The following MTMR9 variants were observed in gnomAD, a reference collection of about 807,000 sequenced individuals.
MTMR9 encodes myotubularin related protein 9.
A neutral mutation model predicts 69.5 loss-of-function variants in MTMR9; 39 were observed. The ratio of observed to expected loss-of-function variants is 0.56; its 90% CI spans 0.43 to 0.73. The LOEUF (loss-of-function observed/expected upper bound fraction) is 0.73, where lower values mean the gene tolerates loss of function less well. MTMR9 is among the 30% of genes least tolerant of loss of function. The pLI, the probability that MTMR9 is intolerant of heterozygous loss-of-function variation, is 0.00. For synonymous variants in MTMR9, 354 were observed against 240.8 expected, an observed-to-expected ratio of 1.47 and a Z score of -4.35; for missense variants, 900 against 671.2, an observed-to-expected ratio of 1.34 and a Z score of -3.77.
chr8:11,305,846 G>T (rs1195716570), intron 4 of MTMR9, among the ~76,000 whole-genome samples: 6 of 152,144 alleles, frequency 3.9e-5, no homozygotes, highest in African/African-American at 1.2e-4. Flanking sequence ...TGAAGTCAAG[G>T]TTTACTGGCT....
At chr8:11,295,991 T>G (rs1010878371) in intron 2 of MTMR9, among the ~76,000 whole-genome samples, 2 of 152,152 alleles carry the variant, frequency 1.3e-5, no homozygotes, top group East Asian at 3.9e-4. Flanking sequence ...CAGCTAGAAG[T>G]GGAATTGTTT....
intron 6 of MTMR9, among the ~76,000 whole-genome samples, chr8:11,310,874 A>G (rs1384356554): frequency 6.6e-6 from 1 of 152,172 alleles, no homozygotes; most frequent in Non-Finnish European, 1.5e-5. Context: ...TCAGTGCAGA[A>G]TGCAGAACAG....
intron 2 of MTMR9, among the ~76,000 whole-genome samples, chr8:11,298,179 A>G (rs1041727264): frequency 1.3e-5 from 2 of 152,282 alleles, no homozygotes; most frequent in African/African-American, 2.4e-5. Flanking sequence ...TAATGTGTTT[A>G]AAGGAAAAGA....
At chr8:11,316,963 C>G in intron 8 of MTMR9, 70 bp downstream of exon 8, 1 of 997,478 alleles carries the variant, frequency 1.0e-6, no homozygotes, top group South Asian at 1.8e-5. Context: ...TAGCCAGAAT[C>G]TCCTAGGAGA....
At chr8:11,298,413 G>C (rs1475476001) in intron 2 of MTMR9, among the ~76,000 whole-genome samples, 1 of 151,988 alleles carries the variant, frequency 6.6e-6, no homozygotes, top group Non-Finnish European at 1.5e-5. Flanking sequence ...ATGGATAATG[G>C]ATTATACAGC....
At chr8:11,302,824 G>A (rs1036119002) in intron 3 of MTMR9, among the ~76,000 whole-genome samples, 5 of 152,002 alleles carry the variant, frequency 3.3e-5, no homozygotes, top group African/African-American at 1.2e-4. Flanking sequence ...GAGATCATAG[G>A]CATTTCTGTA....
intron 3 of MTMR9, among the ~76,000 whole-genome samples, chr8:11,303,179 A>C (rs984608733): frequency 1.4e-5 from 2 of 147,702 alleles, no homozygotes; most frequent in Admixed American, 6.9e-5. Context: ...AGAGGAGGAC[A>C]CTTGGCCTAC....
At chr8:11,308,607 C>G (rs1302382468) in intron 5 of MTMR9, among the ~76,000 whole-genome samples, 4 of 152,122 alleles carry the variant, frequency 2.6e-5, no homozygotes, top group African/African-American at 9.7e-5. Flanking sequence ...TCCATTTCTT[C>G]TAGATTATCC....
chr8:11,327,977 G>C lies in MTMR9; in HGVS notation c.*5189G>C, dbSNP rs1801021696. ...TTGGGTTGGCCGGTTTGTCAAGCTT[G>C]GTTTACTGAATCAAGAAAGAGTCTT... On this transcript the variant is annotated 3_prime_UTR_variant, in exon 10 of 10. Transcript: ENST00000221086. 2 of 152,114 alleles carry C rather than the reference G, an allele frequency of 1.3e-5. No individual in the cohort carries two copies. The highest frequency in any genetic ancestry group is 1.3e-4 in the Admixed American group (2 of 15,264). 9.4% of individuals were successfully genotyped at this position (152,114 alleles called of 1,614,324 possible).
At chr8:11,298,363 A>G (rs1214528540) in intron 2 of MTMR9, among the ~76,000 whole-genome samples, 1 of 152,084 alleles carries the variant, frequency 6.6e-6, no homozygotes, top group Non-Finnish European at 1.5e-5. Context: ...GCAGCCAAAG[A>G]CAGTATAGAT....
chr8:11,305,066 C>G (rs780825489), intron 4 of MTMR9, 52 bp downstream of exon 4: 1 of 1,550,468 alleles, frequency 6.4e-7, no homozygotes, highest in Non-Finnish European at 8.8e-7. Flanking sequence ...GGTTGGGGAT[C>G]TTTTCGTAGA....
chr8:11,323,100 T>G lies in MTMR9; in HGVS notation c.*312T>G, dbSNP rs1263045870. 3 of 198,372 alleles carry G rather than the reference T, an allele frequency of 1.5e-5. No homozygotes were observed. Among genetic ancestry groups the G allele is most frequent in the Non-Finnish European group, 3.0e-5 (3 of 98,820 alleles). 12.3% of individuals were successfully genotyped at this position (198,372 alleles called of 1,614,324 possible). A position where few individuals can be genotyped will look rare whatever the true frequency, so the allele number is the denominator to read the frequency against. On this transcript the variant is annotated 3_prime_UTR_variant, in exon 10 of 10. Coordinates refer to ENST00000221086, the MANE Select transcript of MTMR9 (RefSeq NM_015458.4). ...ATGCCATTTTATCCAAAGCTTTTTC[T>G]CTGTGTCCACTCTCCAAACAGCATT...
intron 2 of MTMR9, among the ~76,000 whole-genome samples, chr8:11,297,086 G>T (rs1799587427): frequency 6.6e-6 from 1 of 152,054 alleles, no homozygotes; most frequent in Non-Finnish European, 1.5e-5. Flanking sequence ...GTACTTTCTA[G>T]ACTACTATAG....
chr8:11,310,321 C>G (rs1331194538), intron 6 of MTMR9, among the ~76,000 whole-genome samples: 1 of 152,182 alleles, frequency 6.6e-6, no homozygotes, highest in African/African-American at 2.4e-5. Flanking sequence ...CAAATTCTTG[C>G]AGAAGCTTAG....
intron 3 of MTMR9, among the ~76,000 whole-genome samples, chr8:11,304,388 A>G (rs987567532): frequency 1.3e-5 from 2 of 152,226 alleles, no homozygotes; most frequent in African/African-American, 4.8e-5. Context: ...AACAAACTAA[A>G]TGGGACCCAG....
rs1215825220 is a variant in MTMR9, at chr8:11,295,245, T to G, written c.234T>G (p.Ile78Met). 3 of 1,612,298 alleles carry G rather than the reference T, an allele frequency of 1.9e-6. No homozygotes were observed. In the East Asian group the frequency reaches 6.7e-5, roughly 36 times the overall value. ...TIIIKCKDFR[I>M]IQLDIPGMEE... ...TCATAAAATGTAAAGATTTTCGAAT[T>G]ATTCAGTTGGATATTCCTGGAATGG... The change falls in exon 2 of 10, where the codon ATT becomes ATG. Residue 78 changes from isoleucine to methionine, a missense_variant. Coordinates refer to ENST00000221086, the MANE Select transcript of MTMR9 (RefSeq NM_015458.4).
In MTMR9 at chr8:11,309,255, C is replaced by T. The variant is rs146767430; in HGVS notation, c.810-272C>T. On this transcript the variant is annotated intron_variant, in intron 5 of 9. Transcript: ENST00000221086. ...CTGTCATGAAACGCAGGGCTCTGGC[C>T]TCTCCTATAGTCAGATAATCCAGGT... is the stretch of plus-strand genomic sequence containing the variant. 2.9e-4 allele frequency among the ~76,000 whole-genome samples: 44 copies of T among 152,228 alleles called. No individual in the cohort carries two copies. The East Asian group carries it at 4.8e-3, about 17-fold the overall frequency.
rs1799084212 is a variant in MTMR9, at chr8:11,284,873, C to T, written c.-16C>T. On this transcript the variant is annotated 5_prime_UTR_variant, in exon 1 of 10. Transcript: ENST00000221086. ...ACCTACCGGGCTCGGTTCCCTGGCTCCGGCCGCGGGGGAGCATGGAGTTTG... is the reference window on the plus strand; with the variant it reads ...ACCTACCGGGCTCGGTTCCCTGGCTTCGGCCGCGGGGGAGCATGGAGTTTG... 2 of 1,522,182 alleles carry T rather than the reference C, an allele frequency of 1.3e-6. No individual in the cohort carries two copies. The highest frequency in any genetic ancestry group is 4.5e-5 in the African/African-American group (2 of 44,570). 94.3% of individuals were successfully genotyped at this position (1,522,182 alleles called of 1,614,324 possible). A position where few individuals can be genotyped will look rare whatever the true frequency, so the allele number is the denominator to read the frequency against.
At chr8:11,287,822 A>G (rs1799224035) in intron 1 of MTMR9, among the ~76,000 whole-genome samples, 1 of 124,272 alleles carries the variant, frequency 8.0e-6, no homozygotes, top group African/African-American at 3.2e-5. Context: ...CATATAATAT[A>G]TAATATATAA....
Sources: allele counts gnomAD v4.1 joint callset (sites outside exome capture counted in the v4.1 genomes callset), GRCh38; gene constraint gnomAD v4.1.1; transcripts MANE v1.5; gene names NCBI Gene and HGNC (gene_info 2026-07-23, HGNC 2026-07-21).